Variants in FAM135B observed in about 807,000 individuals in gnomAD.
FAM135B encodes family with sequence similarity 135 member B.
FAM135B carries 43 observed loss-of-function variants against 127.7 expected under a neutral mutation model. The ratio of observed to expected loss-of-function variants is 0.34; its 90% CI spans 0.26 to 0.43. The LOEUF (loss-of-function observed/expected upper bound fraction) is 0.43. Ranked by LOEUF, FAM135B falls within the 20% of genes least tolerant of loss-of-function variation. FAM135B has a pLI of 1.00. For synonymous variants in FAM135B, 670 were observed against 665.1 expected, an observed-to-expected ratio of 1.01 and a Z score of -0.11; for missense variants, 1,558 against 1,725.6, an observed-to-expected ratio of 0.90 and a Z score of 1.72.
In FAM135B at chr8:138,152,335, A is replaced by G; in HGVS notation, c.2140T>C (p.Leu714=). The G allele has an allele frequency of 1.2e-6, 2 of 1,614,130 alleles. No individual in the cohort carries two copies. Among genetic ancestry groups the G allele is most frequent in the Non-Finnish European group, 1.7e-6 (2 of 1,180,036 alleles). Reference sequence around the variant, plus strand: ...GCATGTCTTCGAACAAACGGGTGCAAGACTTCCCGATCACTGGGCAACTCC... The same window carrying G: ...GCATGTCTTCGAACAAACGGGTGCAGGACTTCCCGATCACTGGGCAACTCC... The part of the protein sequence containing the change: ...ALELPSDREV[L]HPFVRRHALH... The change falls in exon 13 of 20, where the codon TTG becomes CTG. Residue 714 remains leucine, a synonymous_variant. Coordinates refer to ENST00000395297, the MANE Select transcript of FAM135B (RefSeq NM_015912.4).
intron 1 of FAM135B, among the ~76,000 whole-genome samples, chr8:138,371,106 C>T (rs1044576960): frequency 6.6e-6 from 1 of 152,168 alleles, no homozygotes; most frequent in African/African-American, 2.4e-5. Flanking sequence ...TAGCATTAAC[C>T]AGACCTGAGT....
Position 138,195,302 on chromosome 8 carries a change from G to C in FAM135B, c.829C>G (p.Leu277Val), listed in dbSNP as rs1816520819. Residue 277 changes from leucine to valine, a missense_variant, in exon 9 of 20, where the codon CTT becomes GTT. Leu to Val is a conservative substitution (Grantham distance 32, BLOSUM62 1). Coordinates refer to ENST00000395297, the MANE Select transcript of FAM135B (RefSeq NM_015912.4). ...TGAGAAAGTGTTTCTTCAACAGCAA[G>C]GGCCTCTAGAAAGAAAAAATAAACT... is the stretch of plus-strand genomic sequence containing the variant. ...PELPHTELEA[L>V]AVEETLSQLC... The C allele has an allele frequency of 1.9e-6, 3 of 1,613,814 alleles. No homozygotes were observed. Among genetic ancestry groups the C allele is most frequent in the Non-Finnish European group, 2.5e-6 (3 of 1,179,916 alleles).
chr8:138,350,052 A>G (rs928370983), intron 2 of FAM135B, among the ~76,000 whole-genome samples: 1 of 152,168 alleles, frequency 6.6e-6, no homozygotes, highest in African/African-American at 2.4e-5. Context: ...TACCTTGGCC[A>G]TGACCACCAT....
chr8:138,304,525 G>A (rs542004187), intron 3 of FAM135B, among the ~76,000 whole-genome samples: 90 of 152,308 alleles, frequency 5.9e-4, no homozygotes, highest in East Asian at 1.5e-3. Context: ...CCACCTGGTC[G>A]TTGAAGGCTG....
At chr8:138,269,348 T>C (rs1471655726) in intron 3 of FAM135B, among the ~76,000 whole-genome samples, 3 of 152,168 alleles carry the variant, frequency 2.0e-5, no homozygotes, top group South Asian at 2.1e-4. Context: ...AACAGCACCC[T>C]TAGGGACCAT....
chr8:138,390,845 C>G (rs955379657), intron 1 of FAM135B, among the ~76,000 whole-genome samples: 3 of 152,128 alleles, frequency 2.0e-5, no homozygotes, highest in Non-Finnish European at 4.4e-5. Context: ...AGAAGCAGAG[C>G]TGAGCTCTGG....
At chr8:138,156,675 G>T (rs530880072) in intron 12 of FAM135B, among the ~76,000 whole-genome samples, 10 of 152,060 alleles carry the variant, frequency 6.6e-5, no homozygotes, top group Non-Finnish European at 1.0e-4. Context: ...ACACCTCTAC[G>T]CAAATAAACT....
chr8:138,461,645 C>T (rs901178481), intron 1 of FAM135B, among the ~76,000 whole-genome samples: 2 of 152,124 alleles, frequency 1.3e-5, no homozygotes, highest in African/African-American at 4.8e-5. Context: ...TAACCCTGAA[C>T]AGAACACTAT....
In FAM135B at chr8:138,168,065, C is replaced by A; in HGVS notation, c.1104-16G>T. On this transcript the variant is annotated splice_polypyrimidine_tract_variant and intron_variant, in intron 11 of 19. Transcript: ENST00000395297. ...CGTCTGTATCCTGGGGAGCACATGG[C>A]AGGGTGAGCGTCCAGGGAAGAGTCA... is the stretch of plus-strand genomic sequence containing the variant. 3 of 1,603,892 alleles carry A rather than the reference C, an allele frequency of 1.9e-6. No individual in the cohort carries two copies. Among genetic ancestry groups the A allele is most frequent in the South Asian group, 2.2e-5 (2 of 89,516 alleles).
At chr8:138,203,233 T>A (rs540438339) in intron 7 of FAM135B, among the ~76,000 whole-genome samples, 162 of 152,274 alleles carry the variant, frequency 1.1e-3, no homozygotes, top group African/African-American at 3.6e-3. Context: ...TCTAGATGTC[T>A]ATTGTCTAAA....
chr8:138,411,762 T>G (rs1339054413), intron 1 of FAM135B, among the ~76,000 whole-genome samples: 1 of 152,214 alleles, frequency 6.6e-6, no homozygotes, highest in Non-Finnish European at 1.5e-5. Flanking sequence ...ATATCCAGAA[T>G]GTACTTGTAT....
chr8:138,492,941 A>C (rs998318111), intron 1 of FAM135B, among the ~76,000 whole-genome samples: 2 of 152,152 alleles, frequency 1.3e-5, no homozygotes, highest in Non-Finnish European at 2.9e-5. Flanking sequence ...TGTTGTCTAC[A>C]GTTGATTCTC....
intron 3 of FAM135B, among the ~76,000 whole-genome samples, chr8:138,296,912 T>G (rs1294387720): frequency 3.3e-5 from 5 of 152,156 alleles, no homozygotes; most frequent in African/African-American, 1.2e-4. Flanking sequence ...CCCTTCCTCA[T>G]GAATACTAAA....
intron 6 of FAM135B, among the ~76,000 whole-genome samples, chr8:138,246,622 C>T (rs961621413): frequency 6.6e-6 from 1 of 152,170 alleles, no homozygotes; most frequent in Non-Finnish European, 1.5e-5. Flanking sequence ...CAGGAGCAGA[C>T]CCCTCATGGA....
At chr8:138,421,695 A>C (rs1230416084) in intron 1 of FAM135B, among the ~76,000 whole-genome samples, 2 of 152,352 alleles carry the variant, frequency 1.3e-5, no homozygotes, top group East Asian at 3.9e-4. Flanking sequence ...AAACATTGTT[A>C]AAATGTCCAT....
At chr8:138,298,038 G>A (rs1031132771) in intron 3 of FAM135B, among the ~76,000 whole-genome samples, 9 of 152,160 alleles carry the variant, frequency 5.9e-5, no homozygotes, top group African/African-American at 2.2e-4. Flanking sequence ...CTTAATACTT[G>A]GAGAGCCTTG....
At chr8:138,410,418 T>C (rs901518178) in intron 1 of FAM135B, among the ~76,000 whole-genome samples, 14 of 152,212 alleles carry the variant, frequency 9.2e-5, no homozygotes, top group Admixed American at 9.2e-4. Context: ...AAGTGCCATG[T>C]TGTAAACTGC....
chr8:138,426,026 TATACAC>T lies in FAM135B; in HGVS notation c.-19-58030_-19-58025del, dbSNP rs1834855001. 3.6e-4 allele frequency among the ~76,000 whole-genome samples: 15 copies of T among 41,224 alleles called. 1 individual carries two copies. The highest frequency in any genetic ancestry group is 3.3e-3 in the South Asian group (6 of 1,840). 27.0% of individuals were successfully genotyped at this position (41,224 alleles called of 152,430 possible). A position where few individuals can be genotyped will look rare whatever the true frequency, so the allele number is the denominator to read the frequency against. ...ATATATATATATACACACACATACA[TATACAC>T]ACACACACACACACACACATATATA... On this transcript the variant is annotated intron_variant, in intron 1 of 19. Coordinates refer to ENST00000395297, the MANE Select transcript of FAM135B (RefSeq NM_015912.4).
intron 1 of FAM135B, among the ~76,000 whole-genome samples, chr8:138,397,241 C>T (rs758964331): frequency 6.6e-6 from 1 of 152,194 alleles, no homozygotes; most frequent in African/African-American, 2.4e-5. Context: ...CCACCCACAA[C>T]AGACATGAAC....
Sources: allele counts gnomAD v4.1 joint callset (sites outside exome capture counted in the v4.1 genomes callset), GRCh38; gene constraint gnomAD v4.1.1; transcripts MANE v1.5; gene names NCBI Gene and HGNC (gene_info 2026-07-23, HGNC 2026-07-21).